Variants in CACNG3 observed in about 807,000 individuals in gnomAD.
CACNG3 encodes the protein voltage-dependent calcium channel gamma-3 subunit.
Under a neutral mutation model 28.5 loss-of-function variants are expected in CACNG3, and 3 were observed. That is an observed-to-expected ratio of 0.11 (90% CI 0.05 to 0.27). The LOEUF (loss-of-function observed/expected upper bound fraction) is 0.27, where lower values mean the gene tolerates loss of function less well. Among genes scored for constraint, CACNG3 ranks in the 10% least tolerant of loss-of-function variants. The pLI is 1.00. For missense variants in CACNG3, 236 were observed against 414.4 expected, an observed-to-expected ratio of 0.57 and a Z score of 3.74; for synonymous variants, 174 against 162.2, an observed-to-expected ratio of 1.07 and a Z score of -0.55.
rs1436306983 is a variant in CACNG3, at chr16:24,353,180, G to A, written c.296-1653G>A. ...TAGTAGAGACAGGTTTCACCATGTTGCCCAGGTTGGTCTTGAACTCCTGAC... is the reference window on the plus strand; with the variant it reads ...TAGTAGAGACAGGTTTCACCATGTTACCCAGGTTGGTCTTGAACTCCTGAC... On this transcript the variant is annotated intron_variant, in intron 2 of 3. Coordinates refer to ENST00000005284, the MANE Select transcript of CACNG3 (RefSeq NM_006539.4). 9.2e-5 allele frequency among the ~76,000 whole-genome samples: 14 copies of A among 152,116 alleles called. No homozygotes were observed. The East Asian group carries it at 2.7e-3, about 30-fold the overall frequency.
At chr16:24,312,241 C>T (rs1899273702) in intron 1 of CACNG3, among the ~76,000 whole-genome samples, 1 of 152,182 alleles carries the variant, frequency 6.6e-6, no homozygotes, top group African/African-American at 2.4e-5. Context: ...CAAGTCCCTC[C>T]AACTCTTCCT....
At chr16:24,341,127 A>G (rs1252207658) in intron 1 of CACNG3, among the ~76,000 whole-genome samples, 1 of 152,286 alleles carries the variant, frequency 6.6e-6, no homozygotes, top group Non-Finnish European at 1.5e-5. Flanking sequence ...AAGTGAGAAG[A>G]ACAGCACGAT....
intron 2 of CACNG3, among the ~76,000 whole-genome samples, chr16:24,353,785 GT>G (rs1899991385): frequency 6.6e-6 from 1 of 152,236 alleles, no homozygotes; most frequent in South Asian, 2.1e-4. Context: ...CTATGCAAAT[GT>G]AGATGCGTGC....
chr16:24,340,602 T>G (rs1567222654), intron 1 of CACNG3, among the ~76,000 whole-genome samples: 1 of 152,130 alleles, frequency 6.6e-6, no homozygotes. Flanking sequence ...ACAGCACCCC[T>G]CCTCATGTGA....
At chr16:24,335,982 A>G (rs1051078851) in intron 1 of CACNG3, among the ~76,000 whole-genome samples, 1 of 152,016 alleles carries the variant, frequency 6.6e-6, no homozygotes, top group Admixed American at 6.5e-5. Flanking sequence ...CTGGGATTAC[A>G]GGCGTCAGCC....
At chr16:24,302,635 TTTTTGTTTTG>T (rs60301738) in intron 1 of CACNG3, among the ~76,000 whole-genome samples, 9,772 of 148,720 alleles carry the variant, frequency 0.066, 1,047 homozygotes, top group African/African-American at 0.22. Flanking sequence ...TTTTTGTTTG[TTTTTGTTTTG>T]TTTTGTTTTG....
At chr16:24,268,838 G>T (rs374031250) in intron 1 of CACNG3, among the ~76,000 whole-genome samples, 1 of 152,140 alleles carries the variant, frequency 6.6e-6, no homozygotes, top group Non-Finnish European at 1.5e-5. Flanking sequence ...ACTTGAGCAT[G>T]TTATTTATTT....
chr16:24,310,070 A>G (rs536093547), intron 1 of CACNG3, among the ~76,000 whole-genome samples: 2 of 152,344 alleles, frequency 1.3e-5, no homozygotes, highest in Non-Finnish European at 2.9e-5. Context: ...AGTGATCACA[A>G]AGGAGATTGC....
intron 1 of CACNG3, among the ~76,000 whole-genome samples, chr16:24,304,576 G>T (rs1267932446): frequency 6.6e-6 from 1 of 152,040 alleles, no homozygotes; most frequent in Non-Finnish European, 1.5e-5. Flanking sequence ...TGGGGTATTT[G>T]GTTTTGTTTT....
intron 1 of CACNG3, among the ~76,000 whole-genome samples, chr16:24,317,713 A>AAAGAAAGAAAGAAAG (rs200316829): frequency 3.2e-5 from 2 of 61,678 alleles, no homozygotes; most frequent in African/African-American, 7.8e-5. Flanking sequence ...AGAAAGAAAG[A>AAAGAAAGAAAGAAAG]AAAGAAAGAA....
intron 2 of CACNG3, among the ~76,000 whole-genome samples, chr16:24,348,998 T>G (rs560399428): frequency 4.2e-4 from 64 of 152,270 alleles, no homozygotes; most frequent in Non-Finnish European, 7.2e-4. Context: ...CACCTAAGCT[T>G]CACCAATAGC....
intron 1 of CACNG3, among the ~76,000 whole-genome samples, chr16:24,322,448 AC>A (rs1233269190): frequency 1.3e-5 from 2 of 152,034 alleles, no homozygotes; most frequent in Non-Finnish European, 2.9e-5. Context: ...CCCACTAAAC[AC>A]ACTCTTTTTT....
intron 1 of CACNG3, among the ~76,000 whole-genome samples, chr16:24,340,522 T>C (rs1034664942): frequency 3.3e-5 from 5 of 152,166 alleles, no homozygotes; most frequent in African/African-American, 9.7e-5. Context: ...CTGTATCCCA[T>C]AAATATGTAC....
At chr16:24,305,718 C>T (rs562532497) in intron 1 of CACNG3, among the ~76,000 whole-genome samples, 13 of 152,070 alleles carry the variant, frequency 8.5e-5, no homozygotes, top group Non-Finnish European at 1.3e-4. Flanking sequence ...ACCTAGATAA[C>T]GGGTTGATAG....
In CACNG3 at chr16:24,361,308, C is replaced by T; in HGVS notation, c.437-44C>T. 1 of 1,406,394 alleles carries T rather than the reference C, an allele frequency of 7.1e-7. No homozygotes were observed. The highest frequency in any genetic ancestry group is 9.7e-7 in the Non-Finnish European group (1 of 1,030,686). 87.1% of individuals were successfully genotyped at this position (1,406,394 alleles called of 1,614,324 possible). A position where few individuals can be genotyped will look rare whatever the true frequency, so the allele number is the denominator to read the frequency against. On this transcript the variant is annotated intron_variant, in intron 3 of 3. Transcript: ENST00000005284. This position sits in a 1 kb window ranked among gnomAD's most constrained non-coding sequence, Gnocchi z 6.8. The stretch of plus-strand genomic sequence containing the variant: ...TTAAGATGGAAAGTGACAGTTCTCT[C>T]CGAGGTGTATAAAGGACGTGTTTTT...
At chr16:24,268,856 T>C (rs531845162) in intron 1 of CACNG3, among the ~76,000 whole-genome samples, 6 of 152,168 alleles carry the variant, frequency 3.9e-5, no homozygotes, top group Non-Finnish European at 7.4e-5. Flanking sequence ...TTTGACTTCT[T>C]TGGGTTTTAA....
chr16:24,349,049 A>T (rs1001882724), intron 2 of CACNG3, among the ~76,000 whole-genome samples: 3 of 152,210 alleles, frequency 2.0e-5, no homozygotes, highest in African/African-American at 7.2e-5. Flanking sequence ...CTTAATGAGA[A>T]CACAGATTTC....
intron 1 of CACNG3, among the ~76,000 whole-genome samples, chr16:24,273,085 C>T (rs1898710298): frequency 6.6e-6 from 1 of 152,152 alleles, no homozygotes; most frequent in African/African-American, 2.4e-5. Flanking sequence ...TTATCAGTGA[C>T]AACATACAGT....
intron 2 of CACNG3, among the ~76,000 whole-genome samples, chr16:24,350,640 C>T (rs540352431): frequency 2.6e-5 from 4 of 152,304 alleles, no homozygotes; most frequent in African/African-American, 7.2e-5. Flanking sequence ...AGTTCAATAG[C>T]TTCAAACATT....
Sources: allele counts gnomAD v4.1 joint callset (sites outside exome capture counted in the v4.1 genomes callset), GRCh38; gene constraint gnomAD v4.1.1; non-coding constraint Gnocchi (gnomAD v3.1); transcripts MANE v1.5; gene names NCBI Gene and HGNC (gene_info 2026-07-23, HGNC 2026-07-21).